The following BAZ1A variants were observed in gnomAD, a reference collection of about 807,000 sequenced individuals.
BAZ1A encodes the protein bromodomain adjacent to zinc finger domain 1A, also known as bromodomain adjacent to zinc finger domain protein 1A.
Under a neutral mutation model 185.2 loss-of-function variants are expected in BAZ1A, and 50 were observed. The observed-to-expected ratio is 0.27, with a 90% CI of 0.22 to 0.34. BAZ1A has a LOEUF of 0.34. Among genes scored for constraint, BAZ1A ranks in the 10% least tolerant of loss-of-function variants. The pLI is 1.00. For missense variants in BAZ1A, 1,356 were observed against 1,839.9 expected (o/e 0.74, Z 4.81); for synonymous variants, 571 against 615.6 (o/e 0.93, Z 1.07).
intron 4 of BAZ1A, among the ~76,000 whole-genome samples, chr14:34,824,782 G>A (rs1193557218): frequency 6.6e-6 from 1 of 152,150 alleles, no homozygotes; most frequent in Non-Finnish European, 1.5e-5. Context: ...AGGTAAGAGT[G>A]ATCTCAGGTT....
At chr14:34,849,390 T>C (rs770190435) in intron 3 of BAZ1A, among the ~76,000 whole-genome samples, 3 of 152,226 alleles carry the variant, frequency 2.0e-5, no homozygotes, top group Non-Finnish European at 2.9e-5. Context: ...ATTTTTTATG[T>C]TAGTATAGTA....
chr14:34,809,280 G>C (rs2041894638), intron 5 of BAZ1A, among the ~76,000 whole-genome samples: 1 of 152,154 alleles, frequency 6.6e-6, no homozygotes. Flanking sequence ...ATCTCTGCAA[G>C]CTGGTAAAGA....
At chr14:34,864,566 C>T (rs8010582) in intron 2 of BAZ1A, among the ~76,000 whole-genome samples, 1,710 of 152,020 alleles carry the variant, frequency 0.011, 35 homozygotes, top group African/African-American at 0.036. Context: ...CTGCAACCTC[C>T]GCCTCCCAGG....
intron 20 of BAZ1A, among the ~76,000 whole-genome samples, chr14:34,772,359 C>T (rs1448866814): frequency 1.3e-5 from 2 of 152,118 alleles, no homozygotes; most frequent in Non-Finnish European, 2.9e-5. Flanking sequence ...GCTTTGCAGT[C>T]ACTTCCTCTT....
intron 23 of BAZ1A, among the ~76,000 whole-genome samples, chr14:34,762,935 TG>T (rs757251620): frequency 3.3e-5 from 5 of 152,208 alleles, no homozygotes; most frequent in Non-Finnish European, 7.4e-5. Context: ...TGTCTCCTTT[TG>T]CTACAGGAGA....
chr14:34,764,713 T>C lies in BAZ1A; in HGVS notation c.3770A>G (p.Glu1257Gly). Residue 1257 changes from glutamate (E) to glycine (G), a missense_variant, in exon 23 of 27, where the codon GAA becomes GGA. This residue lies in a region of BAZ1A where 309 missense variants were observed against 355.3 expected (regional missense o/e 0.87). Coordinates refer to ENST00000360310, the MANE Select transcript of BAZ1A (RefSeq NM_013448.3). ...ATTGCATGTTAGGACTTACCTGACT[T>C]CTTCCTCTTCTTGAGAGTCATCTTC... ...QDEDDSQEEE[E>G]VSLPKRGRPQ... 6.2e-7 allele frequency: 1 copy of C among 1,605,492 alleles called. No individual in the cohort carries two copies. The highest frequency in any genetic ancestry group is 8.5e-7 in the Non-Finnish European group (1 of 1,175,244).
rs771056689 is a variant in BAZ1A, at chr14:34,792,908, T to C, written c.1377A>G (p.Glu459=). Residue 459 remains glutamate (E), a synonymous_variant, in exon 12 of 27, where the codon GAA becomes GAG. Transcript: ENST00000360310. ...PDGVTLEVLE[E]ALVGNDSEGP... ...CTTCACTGTCATTTCCTACAAGAGC[T>C]TCCTCTAATACTTCTGTGAATAAAA... 16 of 1,610,552 alleles carry C rather than the reference T, an allele frequency of 9.9e-6. No individual in the cohort carries two copies. In the East Asian group the frequency reaches 3.6e-4, roughly 36 times the overall value.
chr14:34,850,688 A>G (rs2042583109), intron 3 of BAZ1A, among the ~76,000 whole-genome samples: 1 of 152,062 alleles, frequency 6.6e-6, no homozygotes, highest in South Asian at 2.1e-4. Flanking sequence ...GGTAGTGCTG[A>G]CTCTCCAAGT....
Position 34,758,794 on chromosome 14 carries a change from A to G in BAZ1A, c.4296T>C (p.Val1432=). The change falls in exon 25 of 27, where the codon GTT becomes GTC. Residue 1432 remains valine (V), a synonymous_variant. Coordinates refer to ENST00000360310, the MANE Select transcript of BAZ1A (RefSeq NM_013448.3). The part of the protein sequence containing the change: ...GRRSSGRQGG[V]HELSAFEQLV... The stretch of plus-strand genomic sequence containing the variant: ...GTTGTTCAAAAGCAGACAATTCATG[A>G]ACTCCTCCCTGTCGGCCAGAACTCC... 2 of 1,614,168 alleles carry G rather than the reference A, an allele frequency of 1.2e-6. No individual in the cohort carries two copies. Among genetic ancestry groups the G allele is most frequent in the Non-Finnish European group, 1.7e-6 (2 of 1,180,016 alleles).
chr14:34,834,728 A>G (rs920517085), intron 3 of BAZ1A, among the ~76,000 whole-genome samples: 1 of 152,152 alleles, frequency 6.6e-6, no homozygotes, highest in African/African-American at 2.4e-5. Flanking sequence ...CTTCTAATAG[A>G]TTTCTAGAGA....
In BAZ1A at chr14:34,754,815, T is replaced by A; in HGVS notation, c.4474+12A>T. 6.6e-7 allele frequency: 1 copy of A among 1,517,798 alleles called. No individual in the cohort carries two copies. The highest frequency in any genetic ancestry group is 9.0e-7 in the Non-Finnish European group (1 of 1,114,694). The allele number at this position is 1,517,798 out of a possible 1,614,324, so 94.0% of individuals were successfully genotyped here. A position where few individuals can be genotyped will look rare whatever the true frequency, so the allele number is the denominator to read the frequency against. ...GAAAAATAAATATCAAAGAAAAACA[T>A]AAATTACTTACATGCTAATTTATAT... On this transcript the variant is annotated intron_variant, in intron 26 of 26. Coordinates refer to ENST00000360310, the MANE Select transcript of BAZ1A (RefSeq NM_013448.3).
At chr14:34,850,768 C>T (rs1378334681) in intron 3 of BAZ1A, among the ~76,000 whole-genome samples, 1 of 152,158 alleles carries the variant, frequency 6.6e-6, no homozygotes, top group Non-Finnish European at 1.5e-5. Flanking sequence ...ACTCAACTTT[C>T]TCCCAGACGG....
intron 10 of BAZ1A, among the ~76,000 whole-genome samples, chr14:34,795,393 C>T (rs1387315242): frequency 6.6e-6 from 1 of 152,192 alleles, no homozygotes; most frequent in African/African-American, 2.4e-5. Flanking sequence ...AGCAATCAAG[C>T]TAAATGCATG....
At chr14:34,843,305 T>C (rs1354144811) in intron 3 of BAZ1A, among the ~76,000 whole-genome samples, 2 of 152,184 alleles carry the variant, frequency 1.3e-5, no homozygotes, top group Non-Finnish European at 2.9e-5. Flanking sequence ...CTCATGTGAC[T>C]TCCTTTGGCC....
chr14:34,784,773 C>G (rs1566560284), intron 14 of BAZ1A, among the ~76,000 whole-genome samples: 1 of 152,112 alleles, frequency 6.6e-6, no homozygotes, highest in African/African-American at 2.4e-5. Context: ...CCGCCTCAGC[C>G]TCCCAAAGTA....
intron 3 of BAZ1A, among the ~76,000 whole-genome samples, chr14:34,853,235 G>A (rs1226075808): frequency 1.3e-5 from 2 of 152,196 alleles, no homozygotes; most frequent in South Asian, 2.1e-4. Flanking sequence ...AAGTAGCAGA[G>A]AACAAATGTC....
At chr14:34,784,011 T>A in intron 14 of BAZ1A, 84 bp from the exon 15 acceptor site, 1 of 1,210,934 alleles carries the variant, frequency 8.3e-7, no homozygotes, top group Non-Finnish European at 1.1e-6. Flanking sequence ...TGGCTCAATG[T>A]GAAAATGCCT....
At chr14:34,843,728 G>C (rs1368190399) in intron 3 of BAZ1A, among the ~76,000 whole-genome samples, 4 of 152,098 alleles carry the variant, frequency 2.6e-5, no homozygotes, top group Admixed American at 2.0e-4. Context: ...CCCAAAACTA[G>C]CAAGTCAGTT....
intron 3 of BAZ1A, among the ~76,000 whole-genome samples, chr14:34,849,706 CAATGTGTTCT>C (rs2042567786): frequency 6.6e-6 from 1 of 152,134 alleles, no homozygotes; most frequent in South Asian, 2.1e-4. Flanking sequence ...TCCAGTTCTG[CAATGTGTTCT>C]AATGCAACCA....
Sources: gnomAD v4.1 joint callset for allele counts (sites outside exome capture counted in the v4.1 genomes callset) on GRCh38, gnomAD v4.1.1 for gene constraint, gnomAD v4.1.1 regional missense constraint, MANE v1.5 for transcripts, NCBI Gene and HGNC (gene_info 2026-07-23, HGNC 2026-07-21) for gene names.